The following DZANK1 variants were observed in gnomAD, a reference collection of about 807,000 sequenced individuals.
DZANK1 encodes the protein double zinc ribbon and ankyrin repeat-containing protein 1.
In DZANK1, 91 loss-of-function variants were observed where a neutral mutation model predicts 94.5. That is an observed-to-expected ratio of 0.96 (90% confidence interval 0.81 to 1.15). DZANK1 has a LOEUF of 1.15. DZANK1 is among the 50% of genes most tolerant of loss of function. DZANK1 has a pLI of 0.00. For synonymous variants in DZANK1, 312 were observed against 325.3 expected (o/e 0.96, Z 0.44); for missense variants, 903 against 916.4 (o/e 0.99, Z 0.19).
At chr20:18,422,799 C>CTTTTTTTTTTTTTTT (rs55683540) in intron 10 of DZANK1, among the ~76,000 whole-genome samples, 7 of 124,822 alleles carry the variant, frequency 5.6e-5, no homozygotes, top group Non-Finnish European at 8.3e-5. Flanking sequence ...TGGCTTTGTT[C>CTTTTTTTTTTTTTTT]TTTTTTTTTT....
In DZANK1 at chr20:18,431,225, C is replaced by T. The variant is rs761310772; in HGVS notation, c.861+2427G>A. Among the ~76,000 whole-genome samples the T allele has an allele frequency of 7.3e-5, 11 of 151,478 alleles. No individual in the cohort carries two copies. In the South Asian group the frequency reaches 8.3e-4, roughly 11 times the overall value. On this transcript the variant is annotated intron_variant, in intron 9 of 20. Coordinates refer to ENST00000262547, the Ensembl canonical transcript of DZANK1. ...CTTCTGCTACTGTATCTTCTAATCC[C>T]GGCAGAAAAAAAAAAAAATCTGATA...
At position 18,394,212 on chromosome 20, in the gene DZANK1, C is replaced by A. The variant is rs931835047; in HGVS notation, c.1708+42G>T. 3.2e-6 allele frequency: 5 copies of A among 1,560,446 alleles called. No homozygotes were observed. In the South Asian group the frequency reaches 3.4e-5, roughly 11 times the overall value. ...GCTATACCTGCCAAGTCCATGTGTT[C>A]CTGGTCAGTTGTTTTAAAATTGCCA... On this transcript the variant is annotated intron_variant, in intron 16 of 20. Coordinates refer to ENST00000262547, the Ensembl canonical transcript of DZANK1.
intron 15 of DZANK1, among the ~76,000 whole-genome samples, chr20:18,395,600 C>T (rs2056295455): frequency 6.6e-6 from 1 of 152,112 alleles, no homozygotes; most frequent in South Asian, 2.1e-4. Context: ...AGAGGTCATG[C>T]TCCCTCTCCT....
At chr20:18,412,299 T>C (rs2057296284) in intron 13 of DZANK1, among the ~76,000 whole-genome samples, 1 of 152,138 alleles carries the variant, frequency 6.6e-6, no homozygotes, top group Admixed American at 6.5e-5. Context: ...TGGTGAATTT[T>C]ATGTTATTTA....
intron 13 of DZANK1, among the ~76,000 whole-genome samples, chr20:18,403,573 A>G (rs1244909421): frequency 1.3e-5 from 2 of 152,158 alleles, no homozygotes; most frequent in African/African-American, 4.8e-5. Flanking sequence ...GAAGACTAGA[A>G]GATTCATTAG....
chr20:18,446,239 TAAGA>T (rs981243319), intron 7 of DZANK1, among the ~76,000 whole-genome samples: 1 of 148,738 alleles, frequency 6.7e-6, no homozygotes, highest in Non-Finnish European at 1.5e-5. Flanking sequence ...AGTGAGACCC[TAAGA>T]AAGAAAGAAG....
chr20:18,452,020 T>G (rs2148751508), intron 6 of DZANK1: 1 of 489,002 alleles, frequency 2.0e-6, no homozygotes, highest in South Asian at 1.5e-5. Context: ...ACGGTCAGAC[T>G]AGTATCTGTG....
rs368102474 is a variant in DZANK1, at chr20:18,394,298, G to A, written c.1664C>T (p.Ala555Val). Residue 555 changes from alanine to valine, a missense_variant, in exon 16 of 21, where the codon GCT becomes GTT. By Grantham distance (64) the Ala-to-Val change is moderately conservative. Coordinates refer to ENST00000262547, the Ensembl canonical transcript of DZANK1. Reference sequence around the variant, plus strand: ...GCACAGCCCCCCATCACCCTCGGCAGCACTGCTCAGAAGGTGATCGCTGAA... The same window carrying A: ...GCACAGCCCCCCATCACCCTCGGCAACACTGCTCAGAAGGTGATCGCTGAA... The A allele has an allele frequency of 1.2e-5, 19 of 1,613,712 alleles. No individual in the cohort carries two copies. Among genetic ancestry groups the A allele is most frequent in the Middle Eastern group, 1.6e-4 (1 of 6,084 alleles).
chr20:18,389,828 C>A lies in DZANK1; in HGVS notation c.1891G>T (p.Gly631Ter). The A allele has an allele frequency of 6.2e-7, 1 of 1,613,848 alleles. No individual in the cohort carries two copies. Among genetic ancestry groups the A allele is most frequent in the East Asian group, 2.2e-5 (1 of 44,884 alleles). The change falls in exon 19 of 21, where the codon GGA becomes TGA. Residue 631 changes from glycine (G) to a stop codon, truncating the protein, a stop_gained and splice_region_variant. Coordinates refer to ENST00000262547, the Ensembl canonical transcript of DZANK1. LOFTEE classifies it high-confidence loss of function. The stretch of plus-strand genomic sequence containing the variant: ...TCATCACAGCAGTTGGGGTCTGCTC[C>A]CTGCAGCAAACGGAAAAGGACAAAC...
At chr20:18,438,254 G>T (rs1206362124) in intron 8 of DZANK1, among the ~76,000 whole-genome samples, 5 of 128,428 alleles carry the variant, frequency 3.9e-5, no homozygotes, top group African/African-American at 1.4e-4. Flanking sequence ...TAACACAAAA[G>T]AAAGCAGTAA....
chr20:18,408,172 C>T (rs1352475782), intron 13 of DZANK1, among the ~76,000 whole-genome samples: 2 of 152,122 alleles, frequency 1.3e-5, no homozygotes, highest in Non-Finnish European at 1.5e-5. Flanking sequence ...AAAAATTAGC[C>T]AGGCATAGTG....
rs1391847788 is a variant in DZANK1 at position 18,441,097 on chromosome 20, TAC to T, written c.747+2248_747+2249del. 6.6e-6 allele frequency among the ~76,000 whole-genome samples: 1 copy of T among 152,156 alleles called. No individual in the cohort carries two copies. Among genetic ancestry groups the T allele is most frequent in the Non-Finnish European group, 1.5e-5 (1 of 68,026 alleles). On this transcript the variant is annotated intron_variant, in intron 8 of 20. Coordinates refer to ENST00000262547, the Ensembl canonical transcript of DZANK1. This position sits in a 1 kb window ranked among gnomAD's most constrained non-coding sequence, Gnocchi z 4.1. The stretch of plus-strand genomic sequence containing the variant: ...GAATGCTCCCATGGACTCAGGAGAA[TAC>T]ATCCTCCACCACAGTTTTTGTAGTC...
At chr20:18,427,143 C>A in exon 10 of DZANK1, 1 of 1,612,406 alleles carries the variant, frequency 6.2e-7, no homozygotes, top group Non-Finnish European at 8.5e-7. Context: ...ACCACAGGCC[C>A]GGCAAATTAC....
intron 2 of DZANK1, among the ~76,000 whole-genome samples, chr20:18,464,338 G>A (rs1299498228): frequency 6.6e-6 from 1 of 152,168 alleles, no homozygotes; most frequent in Non-Finnish European, 1.5e-5. Context: ...TTACAGGCGT[G>A]AGCCACCAGG....
rs563031398 is a variant in DZANK1, at chr20:18,415,703, T to C, written c.955-254A>G. 2.0e-5 allele frequency among the ~76,000 whole-genome samples: 3 copies of C among 152,346 alleles called. No homozygotes were observed. In the South Asian group the frequency reaches 6.2e-4, roughly 32 times the overall value. ...CAATGAAACTGGTACCTTGCACATC[T>C]TAATATTTTTCAATATCTTTAATAT... On this transcript the variant is annotated intron_variant, in intron 10 of 20. Coordinates refer to ENST00000262547, the Ensembl canonical transcript of DZANK1.
At chr20:18,415,404 C>A (rs752130841) in exon 11 of DZANK1, 8 of 1,591,962 alleles carry the variant, frequency 5.0e-6, no homozygotes, top group Non-Finnish European at 6.8e-6. Context: ...ATGGTCCCCC[C>A]TTTCTGAGTG....
At chr20:18,408,129 A>G (rs2057050706) in intron 13 of DZANK1, among the ~76,000 whole-genome samples, 1 of 152,210 alleles carries the variant, frequency 6.6e-6, no homozygotes, top group African/African-American at 2.4e-5. Flanking sequence ...CAGCCTGGCC[A>G]ACAGGGTGAA....
chr20:18,433,900 G>C, intron 8 of DZANK1, 135 bp from the exon 9 acceptor site: 2 of 700,994 alleles, frequency 2.9e-6, no homozygotes, highest in East Asian at 5.5e-5. Context: ...AACCTAGGCA[G>C]GTCGGGCTTG....
intron 13 of DZANK1, among the ~76,000 whole-genome samples, chr20:18,403,005 C>T (rs1476153490): frequency 6.6e-6 from 1 of 152,192 alleles, no homozygotes; most frequent in African/African-American, 2.4e-5. Context: ...TTCTCAGCTC[C>T]ACTCCATATA....
Sources: gnomAD v4.1 joint callset for allele counts (sites outside exome capture counted in the v4.1 genomes callset) on GRCh38, gnomAD v4.1.1 for gene constraint, Gnocchi (gnomAD v3.1) non-coding constraint, MANE v1.5 for transcripts, NCBI Gene and HGNC (gene_info 2026-07-23, HGNC 2026-07-21) for gene names.